The following IL17REL variants were observed in gnomAD, a reference collection of about 807,000 sequenced individuals.
IL17REL encodes interleukin-17 receptor E-like protein.
In IL17REL, 36 loss-of-function variants were observed where a neutral mutation model predicts 49.0. That is an observed-to-expected ratio of 0.73 (90% CI 0.56 to 0.97). The LOEUF is 0.97. IL17REL is among the 50% of genes least tolerant of loss of function. IL17REL has a pLI of 0.00. For synonymous variants in IL17REL, 206 were observed against 192.4 expected (o/e 1.07, Z -0.58); for missense variants, 470 against 453.9 (o/e 1.04, Z -0.32).
Position 49,998,086 on chromosome 22 carries a change from T to C in IL17REL, c.775-17A>G. ...GTACTGCACCTGAGGAGGGCTGGGGTCAGGCTGTGGCATCCATGCCCACCC... is the reference window on the plus strand; with the variant it reads ...GTACTGCACCTGAGGAGGGCTGGGGCCAGGCTGTGGCATCCATGCCCACCC... On this transcript the variant is annotated splice_polypyrimidine_tract_variant and intron_variant, in intron 8 of 12. Coordinates refer to ENST00000341280, the Ensembl canonical transcript of IL17REL. The C allele has an allele frequency of 6.3e-7, 1 of 1,592,292 alleles. No homozygotes were observed. Among genetic ancestry groups the C allele is most frequent in the Non-Finnish European group, 8.5e-7 (1 of 1,170,938 alleles).
At chr22:49,998,352 C>G in intron 7 of IL17REL, 43 bp from the exon 10 acceptor site, 1 of 1,552,170 alleles carries the variant, frequency 6.4e-7, no homozygotes, top group South Asian at 1.2e-5. Context: ...TGGGCCCTAC[C>G]CTGGCTGCCA....
At position 49,996,769 on chromosome 22, in the gene IL17REL, G is replaced by A. The variant is rs528540326; in HGVS notation, c.*136C>T. On this transcript the variant is annotated 3_prime_UTR_variant, in exon 13 of 13. Transcript: ENST00000341280. ...CGTGGGAGGCCTAGGTCTAGTCCTC[G>A]GCCTCCTGCGGCCCCTGAGAGATGG... 5.1e-4 allele frequency: 248 copies of A among 482,308 alleles called. 1 individual carries two copies. The highest frequency in any genetic ancestry group is 8.9e-4 in the South Asian group (28 of 31,316). The allele number at this position is 482,308 out of a possible 1,614,324, so 29.9% of individuals were successfully genotyped here. A position where few individuals can be genotyped will look rare whatever the true frequency, so the allele number is the denominator to read the frequency against.
chr22:50,004,172 G>A (rs561582889), intron 1 of IL17REL, among the ~76,000 whole-genome samples: 4 of 152,006 alleles, frequency 2.6e-5, no homozygotes, highest in African/African-American at 4.8e-5. Context: ...TCTGCTTCCC[G>A]GGTTCAAGCG....
At chr22:50,009,838 A>G (rs2061128964), upstream of IL17REL, among the ~76,000 whole-genome samples, 1 of 139,764 alleles carries the variant, frequency 7.2e-6, no homozygotes, top group South Asian at 2.4e-4. Flanking sequence ...TTTACCCAGG[A>G]TCCCCTCATC....
upstream of IL17REL, among the ~76,000 whole-genome samples, chr22:50,011,507 C>T (rs2061141308): frequency 1.3e-5 from 2 of 152,112 alleles, no homozygotes; most frequent in South Asian, 2.1e-4. Flanking sequence ...ACCATTTCCT[C>T]CCAGAGGCAA....
At chr22:49,995,008 T>TG (rs1309607488) in exon 13 of IL17REL, 1 of 152,424 alleles carries the variant, frequency 6.6e-6, no homozygotes. Flanking sequence ...GGCTGGGATC[T>TG]GGGGAAGCTG....
chr22:50,000,703 G>T, intron 3 of IL17REL, 51 bp downstream of exon 4: 1 of 1,529,636 alleles, frequency 6.5e-7, no homozygotes, highest in Middle Eastern at 1.9e-4. Flanking sequence ...CCCAGGAGGA[G>T]TGGCGCCCAG....
Position 49,997,378 on chromosome 22 carries a change from T to C in IL17REL, c.916A>G (p.Ser306Gly), listed in dbSNP as rs747126907. The change falls in exon 11 of 13, where the codon AGT (serine) becomes GGT (glycine). Residue 306 changes from serine to glycine, a missense_variant. Physicochemically the swap from Ser to Gly is moderately conservative, Grantham distance 56. Transcript: ENST00000341280. The stretch of plus-strand genomic sequence containing the variant: ...GCGTTGGCAGGCAGGGAGCTGTGAC[T>C]TCCTCCTGTGACACAGGTGCACCTG... The C allele has an allele frequency of 2.8e-5, 45 of 1,613,678 alleles. No individual in the cohort carries two copies. Among genetic ancestry groups the C allele is most frequent in the African/African-American group, 1.1e-4 (8 of 74,920 alleles).
At chr22:49,994,971 A>G (rs2061026222) in exon 13 of IL17REL, 1 of 152,444 alleles carries the variant, frequency 6.6e-6, no homozygotes, top group South Asian at 2.1e-4. Flanking sequence ...GACCACAGGA[A>G]GTGACTGACC....
intron 1 of IL17REL, among the ~76,000 whole-genome samples, chr22:50,002,579 C>T (rs2061085662): frequency 6.6e-6 from 1 of 150,972 alleles, no homozygotes; most frequent in Admixed American, 6.6e-5. Flanking sequence ...ACTGTAACCT[C>T]CGCCTCCCAG....
At chr22:50,010,766 G>A (rs955577712), upstream of IL17REL, among the ~76,000 whole-genome samples, 2 of 137,624 alleles carry the variant, frequency 1.5e-5, no homozygotes, top group Non-Finnish European at 3.1e-5. Context: ...CCTGCCCCAC[G>A]GCACGGGGAG....
chr22:50,010,946 C>A (rs1399986598), upstream of IL17REL, among the ~76,000 whole-genome samples: 1 of 151,894 alleles, frequency 6.6e-6, no homozygotes, highest in Non-Finnish European at 1.5e-5. Flanking sequence ...TGCTCGCGGC[C>A]CCACCCCGCC....
In IL17REL at chr22:49,999,281, G is replaced by A. The variant is rs746254074; in HGVS notation, c.601+10C>T. Reference sequence around the variant, plus strand: ...CACCCTTCCGCCCGTTGGCATCGCAGGACACTTGCCGTTTTCAAAGGGGCA... The same window carrying A: ...CACCCTTCCGCCCGTTGGCATCGCAAGACACTTGCCGTTTTCAAAGGGGCA... On this transcript the variant is annotated intron_variant, in intron 7 of 12. Coordinates refer to ENST00000341280, the Ensembl canonical transcript of IL17REL. 13 of 1,612,982 alleles carry A rather than the reference G, an allele frequency of 8.1e-6. No individual in the cohort carries two copies. Among genetic ancestry groups the A allele is most frequent in the South Asian group, 3.3e-5 (3 of 91,084 alleles).
chr22:49,998,773 C>CATGGGTGCGTGTG (rs2061054261), intron 7 of IL17REL, among the ~76,000 whole-genome samples: 1 of 147,628 alleles, frequency 6.8e-6, no homozygotes, highest in Admixed American at 6.7e-5. Context: ...GGGTGCGTGT[C>CATGGGTGCGTGTG]CATGGGTGTG....
downstream of IL17REL, among the ~76,000 whole-genome samples, chr22:49,993,560 C>T (rs6010252): frequency 0.021 from 3,235 of 152,240 alleles, 115 homozygotes; most frequent in African/African-American, 0.073. The surrounding 1 kb of genome is among the most constrained non-coding windows in gnomAD (Gnocchi z 6.0). Flanking sequence ...GGTGGCAGCA[C>T]GCGTGTGTCC....
chr22:49,992,142 C>CAAA (rs2061009728), downstream of IL17REL, among the ~76,000 whole-genome samples: 1 of 152,126 alleles, frequency 6.6e-6, no homozygotes, highest in African/African-American at 2.4e-5. Flanking sequence ...TCTGTCTATC[C>CAAA]TTTGTCCACA....
chr22:50,002,533 C>T (rs1336330266), intron 1 of IL17REL, among the ~76,000 whole-genome samples: 2 of 146,262 alleles, frequency 1.4e-5, no homozygotes, highest in African/African-American at 2.5e-5. Flanking sequence ...CCCGCTCTGA[C>T]GCCCAGGCTG....
chr22:49,993,462 G>A (rs895860301), downstream of IL17REL, among the ~76,000 whole-genome samples: 16 of 152,302 alleles, frequency 1.1e-4, no homozygotes, highest in South Asian at 1.0e-3. The surrounding 1 kb of genome is among the most constrained non-coding windows in gnomAD (Gnocchi z 6.0). Flanking sequence ...CCAAGGAGGC[G>A]GTGGGTGCAC....
downstream of IL17REL, among the ~76,000 whole-genome samples, chr22:49,993,289 C>G (rs1035671788): frequency 5.9e-5 from 9 of 152,212 alleles, no homozygotes; most frequent in African/African-American, 2.2e-4. The surrounding 1 kb of genome is among the most constrained non-coding windows in gnomAD (Gnocchi z 6.0). Context: ...CCGTGTTATA[C>G]TGTGGCCCAG....
Sources: allele counts gnomAD v4.1 joint callset (sites outside exome capture counted in the v4.1 genomes callset), GRCh38; gene constraint gnomAD v4.1.1; non-coding constraint Gnocchi (gnomAD v3.1); transcripts MANE v1.5; gene names NCBI Gene and HGNC (gene_info 2026-07-23, HGNC 2026-07-21).